Variants in FHOD3 observed in about 807,000 individuals in gnomAD.
FHOD3 encodes formin homology 2 domain containing 3, also known as FH1/FH2 domain-containing protein 3.
Under a neutral mutation model 173.0 loss-of-function variants are expected in FHOD3, and 90 were observed. That is an observed-to-expected ratio of 0.52 (90% CI 0.44 to 0.62). The LOEUF (loss-of-function observed/expected upper bound fraction) is 0.62, where lower values mean the gene tolerates loss of function less well. FHOD3 is among the 20% of genes least tolerant of loss of function. FHOD3 has a pLI of 0.00. For synonymous variants in FHOD3, 828 were observed against 823.0 expected (o/e 1.01, Z -0.10); for missense variants, 1,945 against 2,034.7 (o/e 0.96, Z 0.85).
At chr18:36,655,487 G>A (rs143389524) in intron 13 of FHOD3, among the ~76,000 whole-genome samples, 153 of 152,000 alleles carry the variant, frequency 1.0e-3, no homozygotes, top group African/African-American at 3.5e-3. Flanking sequence ...TAAGTTGTGG[G>A]GGAAAAAAAA....
chr18:36,345,714 A>G (rs2045846814), intron 1 of FHOD3, among the ~76,000 whole-genome samples: 1 of 152,218 alleles, frequency 6.6e-6, no homozygotes. Context: ...AGGTTAGGAA[A>G]AAACATGCCA....
chr18:36,611,936 T>C lies in FHOD3; in HGVS notation c.814-16T>C. 3 of 1,611,100 alleles carry C rather than the reference T, an allele frequency of 1.9e-6. No homozygotes were observed. Among genetic ancestry groups the C allele is most frequent in the Non-Finnish European group, 2.5e-6 (3 of 1,178,734 alleles). ...CTTCTGTGGTGTCTCTGTAGCTGGT[T>C]CTTCTCTTCTTCCAGACGTTATCAG... On this transcript the variant is annotated splice_polypyrimidine_tract_variant and intron_variant, in intron 8 of 28. Coordinates refer to ENST00000590592, the MANE Select transcript of FHOD3 (RefSeq NM_001281740.3).
At chr18:36,706,403 A>C (rs1281341062) in intron 17 of FHOD3, among the ~76,000 whole-genome samples, 1 of 152,186 alleles carries the variant, frequency 6.6e-6, no homozygotes, top group Non-Finnish European at 1.5e-5. Context: ...CAGTCATGAA[A>C]AAAAGATACC....
At chr18:36,605,261 G>A (rs949043917) in intron 8 of FHOD3, among the ~76,000 whole-genome samples, 2 of 152,180 alleles carry the variant, frequency 1.3e-5, no homozygotes, top group African/African-American at 4.8e-5. Context: ...CACTGCCACA[G>A]TGTTCCCCAT....
intron 1 of FHOD3, among the ~76,000 whole-genome samples, chr18:36,320,669 G>T (rs1406816095): frequency 2.0e-5 from 3 of 152,056 alleles, no homozygotes; most frequent in Admixed American, 6.6e-5. Flanking sequence ...AGCCTGGCAG[G>T]GGCTTCACTT....
chr18:36,482,700 A>T (rs888386568), intron 3 of FHOD3, among the ~76,000 whole-genome samples: 1 of 152,068 alleles, frequency 6.6e-6, no homozygotes, highest in African/African-American at 2.4e-5. Flanking sequence ...AATTGCTTTC[A>T]CACTAGTTTG....
chr18:36,321,783 G>C (rs1766562703), intron 1 of FHOD3, among the ~76,000 whole-genome samples: 1 of 152,162 alleles, frequency 6.6e-6, no homozygotes, highest in African/African-American at 2.4e-5. Flanking sequence ...AACAAGTGGT[G>C]AATATGCAGG....
At chr18:36,404,491 G>A (rs1297487894) in intron 3 of FHOD3, among the ~76,000 whole-genome samples, 1 of 152,216 alleles carries the variant, frequency 6.6e-6, no homozygotes, top group Non-Finnish European at 1.5e-5. Flanking sequence ...TTGTAGAATA[G>A]TATGCATGCA....
At chr18:36,697,187 C>A (rs2039333598) in intron 17 of FHOD3, among the ~76,000 whole-genome samples, 1 of 152,188 alleles carries the variant, frequency 6.6e-6, no homozygotes, top group Admixed American at 6.5e-5. Flanking sequence ...TCCAGGTAAC[C>A]TATTTCATGG....
At chr18:36,415,894 T>C (rs545875549) in intron 3 of FHOD3, among the ~76,000 whole-genome samples, 3 of 152,368 alleles carry the variant, frequency 2.0e-5, no homozygotes, top group African/African-American at 4.8e-5. Flanking sequence ...TGGTCTTTGA[T>C]TGATGAAGTT....
At chr18:36,343,418 G>T (rs531749010) in intron 1 of FHOD3, among the ~76,000 whole-genome samples, 5 of 152,310 alleles carry the variant, frequency 3.3e-5, no homozygotes, top group African/African-American at 1.2e-4. Context: ...AAAGACCACT[G>T]CTATAGTTTG....
intron 3 of FHOD3, among the ~76,000 whole-genome samples, chr18:36,495,030 C>A (rs2054667608): frequency 6.6e-6 from 1 of 152,046 alleles, no homozygotes; most frequent in African/African-American, 2.4e-5. Context: ...GCAGCCTTGA[C>A]CTCCTGGGTT....
At chr18:36,336,893 C>T (rs560219934) in intron 1 of FHOD3, among the ~76,000 whole-genome samples, 239 of 137,320 alleles carry the variant, frequency 1.7e-3, no homozygotes, top group South Asian at 3.8e-3. Context: ...ATTTCTATGT[C>T]GAGCACGGTG....
intron 3 of FHOD3, among the ~76,000 whole-genome samples, chr18:36,454,908 C>T (rs1016246434): frequency 6.6e-6 from 1 of 152,212 alleles, no homozygotes; most frequent in Non-Finnish European, 1.5e-5. Flanking sequence ...GAGGTCTGCA[C>T]CATAACTGAC....
At chr18:36,377,568 T>C (rs1470960397) in intron 3 of FHOD3, among the ~76,000 whole-genome samples, 2 of 152,232 alleles carry the variant, frequency 1.3e-5, no homozygotes, top group Non-Finnish European at 2.9e-5. Context: ...ACCTGAGTGC[T>C]GTTTCTGTGC....
intron 27 of FHOD3, among the ~76,000 whole-genome samples, chr18:36,768,293 C>G (rs2043228289): frequency 6.6e-6 from 1 of 152,224 alleles, no homozygotes; most frequent in African/African-American, 2.4e-5. Context: ...ATTACATTAG[C>G]ATTAATTTCT....
intron 5 of FHOD3, among the ~76,000 whole-genome samples, chr18:36,517,052 A>G (rs542702952): frequency 6.6e-6 from 1 of 152,054 alleles, no homozygotes; most frequent in South Asian, 2.1e-4. Context: ...GCTGAGAGGT[A>G]GAGATAGGTT....
intron 3 of FHOD3, among the ~76,000 whole-genome samples, chr18:36,376,673 T>A (rs1044616385): frequency 3.9e-5 from 6 of 152,002 alleles, no homozygotes; most frequent in Non-Finnish European, 8.8e-5. Context: ...GGCAAGAAAA[T>A]GATATGAGAG....
intron 14 of FHOD3, among the ~76,000 whole-genome samples, chr18:36,666,973 GCATGTGTGTTTTTAGCATTTTATATAA>G (rs2037222961): frequency 6.6e-6 from 1 of 152,122 alleles, no homozygotes; most frequent in South Asian, 2.1e-4. Context: ...AGATTCATTT[GCATGTGTGTTTTTAGCATTTTATATAA>G]GTGTAATCAG....
Sources: allele counts gnomAD v4.1 joint callset (sites outside exome capture counted in the v4.1 genomes callset), GRCh38; gene constraint gnomAD v4.1.1; transcripts MANE v1.5; gene names NCBI Gene and HGNC (gene_info 2026-07-23, HGNC 2026-07-21).